ADARB1: variants seen among roughly 807,000 people sequenced by gnomAD.
ADARB1 encodes adenosine deaminase RNA specific B1, also known as double-stranded RNA-specific editase 1.
ADARB1 carries 10 observed loss-of-function variants against 52.4 expected under a neutral mutation model. The observed-to-expected ratio is 0.19, with a 90% CI of 0.12 to 0.32. ADARB1 has a LOEUF of 0.32. Among genes scored for constraint, ADARB1 ranks in the 10% least tolerant of loss-of-function variants. The probability of loss-of-function intolerance (pLI) is 1.00; values close to 1 mark genes in which losing one functional copy is unlikely to be tolerated. For synonymous variants in ADARB1, 349 were observed against 371.1 expected, an observed-to-expected ratio of 0.94 and a Z score of 0.68; for missense variants, 643 against 922.3, an observed-to-expected ratio of 0.70 and a Z score of 3.92.
chr21:45,224,443 C>T lies in ADARB1; in HGVS notation c.*2246C>T. On this transcript the variant is annotated 3_prime_UTR_variant, in exon 11 of 11. Transcript: ENST00000348831. ...CAGGCACAGGGCACCCTATCCCAAG[C>T]CGTCCAGGCAGGAGGAAGGCAGCCA... 3 of 884,088 alleles carry T rather than the reference C, an allele frequency of 3.4e-6. No individual in the cohort carries two copies. The highest frequency in any genetic ancestry group is 3.8e-6 in the Non-Finnish European group (3 of 785,638). 54.8% of individuals were successfully genotyped at this position (884,088 alleles called of 1,614,324 possible).
chr21:45,223,121 T>C lies in ADARB1; in HGVS notation c.*924T>C, dbSNP rs1162225996. 2.0e-6 allele frequency: 2 copies of C among 985,358 alleles called. No individual in the cohort carries two copies. Among genetic ancestry groups the C allele is most frequent in the Non-Finnish European group, 2.4e-6 (2 of 829,952 alleles). The allele number at this position is 985,358 out of a possible 1,614,324, so 61.0% of individuals were successfully genotyped here. A position where few individuals can be genotyped will look rare whatever the true frequency, so the allele number is the denominator to read the frequency against. ...CAATACATGGCCTAAGTTCCCTCTG[T>C]TCCTTCCTCTGAATCGAATGGATGT... On this transcript the variant is annotated 3_prime_UTR_variant, in exon 11 of 11. Transcript: ENST00000348831.
intron 1 of ADARB1, among the ~76,000 whole-genome samples, chr21:45,116,215 G>C (rs1357725276): frequency 6.6e-6 from 1 of 152,240 alleles, no homozygotes; most frequent in Non-Finnish European, 1.5e-5. Context: ...AACAGGATCA[G>C]TCTTGGAATT....
intron 2 of ADARB1, among the ~76,000 whole-genome samples, chr21:45,150,429 GAT>G (rs1396632009): frequency 6.6e-6 from 1 of 152,134 alleles, no homozygotes; most frequent in Admixed American, 6.5e-5. Flanking sequence ...TAAGTTATAA[GAT>G]ATAAAGTAGT....
rs755163037 is a variant in ADARB1 at position 45,222,066 on chromosome 21, C to T, written c.1975C>T (p.His659Tyr). ...RSKITKPNVY[H>Y]ESKLAAKEYQ... is the part of the protein sequence containing the mutation. ...CAAGATTACCAAGCCCAACGTGTAC[C>T]ATGAGTCCAAGCTGGCGGCAAAGGA... Residue 659 changes from histidine (H) to tyrosine (Y), a missense_variant, in exon 11 of 11, where the codon CAT (histidine) becomes TAT (tyrosine). Physicochemically the swap from His to Tyr is moderately conservative, Grantham distance 83. Transcript: ENST00000348831. 6.8e-6 allele frequency: 11 copies of T among 1,613,592 alleles called. No homozygotes were observed. Among genetic ancestry groups the T allele is most frequent in the East Asian group, 2.2e-5 (1 of 44,898 alleles).
chr21:45,182,552 A>T, intron 5 of ADARB1, 33 bp from the exon 6 acceptor site: 6 of 1,577,348 alleles, frequency 3.8e-6, no homozygotes, highest in Non-Finnish European at 5.1e-6. Flanking sequence ...ACTGTGAATT[A>T]CAGAAAATAG....
rs2089716034 is a variant in ADARB1, at chr21:45,141,404, T to C, written c.-48+12831T>C. On this transcript the variant is annotated intron_variant, in intron 2 of 10. Coordinates refer to ENST00000348831, the MANE Select transcript of ADARB1 (RefSeq NM_001112.4). ...CTGTTTTATTTTTAGTAGCCAGTTA[T>C]AGAAAGCATTATTTTTAAATAATGC... is the stretch of plus-strand genomic sequence containing the variant. Among the ~76,000 whole-genome samples, 5 of 152,232 alleles carry C rather than the reference T, an allele frequency of 3.3e-5. No homozygotes were observed. In the South Asian group the frequency reaches 6.2e-4, roughly 19 times the overall value.
intron 8 of ADARB1, among the ~76,000 whole-genome samples, chr21:45,186,402 C>T (rs1222951373): frequency 6.6e-6 from 1 of 152,150 alleles, no homozygotes; most frequent in Non-Finnish European, 1.5e-5. Flanking sequence ...CAAACTCCAT[C>T]ACAATATTAT....
At chr21:45,192,868 C>G (rs560285570) in intron 8 of ADARB1, among the ~76,000 whole-genome samples, 84 of 152,046 alleles carry the variant, frequency 5.5e-4, no homozygotes, top group Non-Finnish European at 1.1e-3. Flanking sequence ...CACATACTAC[C>G]AAAGCTCACT....
At chr21:45,156,409 A>C (rs1157613318) in intron 2 of ADARB1, among the ~76,000 whole-genome samples, 1 of 147,640 alleles carries the variant, frequency 6.8e-6, no homozygotes, top group Admixed American at 6.7e-5. Flanking sequence ...CCATCCACCC[A>C]CCCATCATCA....
chr21:45,204,865 G>A lies in ADARB1; in HGVS notation c.1747+129G>A. On this transcript the variant is annotated intron_variant, in intron 9 of 10. Coordinates refer to ENST00000348831, the MANE Select transcript of ADARB1 (RefSeq NM_001112.4). The surrounding 1 kb of genome is among the most constrained non-coding windows in gnomAD (Gnocchi z 4.4). ...AAAAGAACATCAGAGTCCTTCTAAAGAGACCCAAGGTGATGTTTCTGAGGC... is the reference window on the plus strand; with the variant it reads ...AAAAGAACATCAGAGTCCTTCTAAAAAGACCCAAGGTGATGTTTCTGAGGC... 9.9e-7 allele frequency: 1 copy of A among 1,006,736 alleles called. No individual in the cohort carries two copies. Among genetic ancestry groups the A allele is most frequent in the Non-Finnish European group, 1.4e-6 (1 of 706,222 alleles). 62.4% of individuals were successfully genotyped at this position (1,006,736 alleles called of 1,614,324 possible). A position where few individuals can be genotyped will look rare whatever the true frequency, so the allele number is the denominator to read the frequency against.
At chr21:45,150,732 G>A (rs921224833) in intron 2 of ADARB1, among the ~76,000 whole-genome samples, 2 of 152,144 alleles carry the variant, frequency 1.3e-5, no homozygotes, top group Non-Finnish European at 2.9e-5. Context: ...TTTGCCTGGC[G>A]GTCGGGCCTG....
chr21:45,111,147 G>A (rs1404915048), intron 1 of ADARB1, among the ~76,000 whole-genome samples: 1 of 152,166 alleles, frequency 6.6e-6, no homozygotes, highest in Admixed American at 6.5e-5. Flanking sequence ...GCCAGCACAC[G>A]GAGCGCTGCA....
chr21:45,175,137 G>T (rs1432427967), intron 3 of ADARB1, among the ~76,000 whole-genome samples: 1 of 152,122 alleles, frequency 6.6e-6, no homozygotes, highest in Non-Finnish European at 1.5e-5. Flanking sequence ...TTTAAAGATT[G>T]GTTCATAAAC....
In ADARB1 at chr21:45,196,143, G is replaced by T. The variant is rs573408987; in HGVS notation, c.1566-8412G>T. On this transcript the variant is annotated intron_variant, in intron 8 of 10. Coordinates refer to ENST00000348831, the MANE Select transcript of ADARB1 (RefSeq NM_001112.4). ...TATACCTAAATATTTCAGTTTTGGGGGTGTTAGTGTAAATGATGTTGTGTT... is the reference window on the plus strand; with the variant it reads ...TATACCTAAATATTTCAGTTTTGGGTGTGTTAGTGTAAATGATGTTGTGTT... 2.0e-5 allele frequency among the ~76,000 whole-genome samples: 3 copies of T among 152,086 alleles called. No individual in the cohort carries two copies. In the East Asian group the frequency reaches 5.8e-4, roughly 29 times the overall value.
At chr21:45,074,885 G>C (rs990832932) in intron 1 of ADARB1, 92 bp downstream of exon 1, 2 of 149,926 alleles carry the variant, frequency 1.3e-5, no homozygotes, top group African/African-American at 4.9e-5. Context: ...GCAGGGACTG[G>C]TGGTGGGGCC....
chr21:45,167,794 G>A (rs1427964080), intron 2 of ADARB1, among the ~76,000 whole-genome samples: 3 of 152,202 alleles, frequency 2.0e-5, no homozygotes, highest in African/African-American at 7.2e-5. Flanking sequence ...TTCACATGTA[G>A]TTGTAAGAAG....
chr21:45,075,944 G>A lies in ADARB1; in HGVS notation c.-220+1151G>A, dbSNP rs541274202. 3.9e-5 allele frequency among the ~76,000 whole-genome samples: 6 copies of A among 152,238 alleles called. No homozygotes were observed. The South Asian group carries it at 1.0e-3, about 26-fold the overall frequency. On this transcript the variant is annotated intron_variant, in intron 1 of 10. Coordinates refer to ENST00000348831, the MANE Select transcript of ADARB1 (RefSeq NM_001112.4). ...ACTCCATAATTAAGATGATAGAACC[G>A]TAGTTTTTTTAATTGAGAATACAAA...
chr21:45,096,307 A>G (rs1174442615), intron 1 of ADARB1, among the ~76,000 whole-genome samples: 1 of 152,194 alleles, frequency 6.6e-6, no homozygotes, highest in Non-Finnish European at 1.5e-5. Flanking sequence ...CAGGGAACAG[A>G]AGCGCAAGGG....
At chr21:45,132,465 C>G (rs1186505755) in intron 2 of ADARB1, among the ~76,000 whole-genome samples, 1 of 152,176 alleles carries the variant, frequency 6.6e-6, no homozygotes, top group Non-Finnish European at 1.5e-5. Context: ...CAGGTTTTGC[C>G]CATAGTTTTT....
Sources: allele counts gnomAD v4.1 joint callset (sites outside exome capture counted in the v4.1 genomes callset), GRCh38; gene constraint gnomAD v4.1.1; non-coding constraint Gnocchi (gnomAD v3.1); transcripts MANE v1.5; gene names NCBI Gene and HGNC (gene_info 2026-07-23, HGNC 2026-07-21).